Variants in COL17A1 observed in about 807,000 individuals in gnomAD.
COL17A1 encodes collagen type XVII alpha 1 chain, also known as collagen alpha-1(XVII) chain.
Under a neutral mutation model 218.4 loss-of-function variants are expected in COL17A1, and 181 were observed. The ratio of observed to expected loss-of-function variants is 0.83; its 90% CI spans 0.73 to 0.94. The LOEUF (loss-of-function observed/expected upper bound fraction) is 0.94, where lower values mean the gene tolerates loss of function less well. COL17A1 is among the 40% of genes least tolerant of loss of function. The pLI, the probability that COL17A1 is intolerant of heterozygous loss-of-function variation, is 0.00. For missense variants in COL17A1, 1,924 were observed against 1,945.9 expected (o/e 0.99, Z 0.21); for synonymous variants, 721 against 731.0 (o/e 0.99, Z 0.22).
At chr10:104,075,949 G>T (rs1448432423) in intron 5 of COL17A1, among the ~76,000 whole-genome samples, 1 of 152,176 alleles carries the variant, frequency 6.6e-6, no homozygotes, top group Non-Finnish European at 1.5e-5. Context: ...TTATACAATT[G>T]TATTTTATCT....
chr10:104,059,854 T>C (rs572532581), intron 14 of COL17A1, 136 bp from the exon 15 acceptor site: 23 of 1,060,510 alleles, frequency 2.2e-5, no homozygotes, highest in Non-Finnish European at 3.0e-5. Flanking sequence ...CCCTCTTTCC[T>C]GGGGTTCATC....
rs200888187 is a variant in COL17A1, at chr10:104,050,447, G to A, written c.2128+174C>T. 9.2e-5 allele frequency among the ~76,000 whole-genome samples: 14 copies of A among 152,262 alleles called. No individual in the cohort carries two copies. In the East Asian group the frequency reaches 2.3e-3, roughly 25 times the overall value. On this transcript the variant is annotated intron_variant, in intron 27 of 55. Coordinates refer to ENST00000648076, the MANE Select transcript of COL17A1 (RefSeq NM_000494.4). ...TCACCACCCCAGAATTCAATGTGAT[G>A]TTAGTGCTTTGTTTCCCTTCTTTGT...
chr10:104,039,083 C>T lies in COL17A1; in HGVS notation c.2935G>A (p.Gly979Ser). 6.2e-7 allele frequency: 1 copy of T among 1,614,132 alleles called. No individual in the cohort carries two copies. Among genetic ancestry groups the T allele is most frequent in the Non-Finnish European group, 8.5e-7 (1 of 1,179,992 alleles). The change falls in exon 44 of 56, where the codon GGT becomes AGT. Residue 979 changes from glycine (G) to serine (S), a missense_variant. Physicochemically the swap from Gly to Ser is moderately conservative, Grantham distance 56. Transcript: ENST00000648076. ...TTTCAGTTCTTACCTTCAGAAGGAC[C>T]ACTAGGAATGCCAAGAGCCCCTGGA... ...GVPGALGIPS[G>S]PSEGGSSSTM...
intron 12 of COL17A1, among the ~76,000 whole-genome samples, 165 bp from the exon 13 acceptor site, chr10:104,061,638 C>T (rs1441688318): frequency 4.6e-5 from 7 of 152,094 alleles, no homozygotes; most frequent in South Asian, 2.1e-4. Context: ...TTAGATGGAA[C>T]GTTCTTAGGT....
chr10:104,084,462 G>A (rs575305749), intron 1 of COL17A1, among the ~76,000 whole-genome samples: 6 of 151,948 alleles, frequency 3.9e-5, no homozygotes, highest in South Asian at 2.1e-4. Context: ...GGCATGCACC[G>A]CCACACCCAG....
intron 31 of COL17A1, among the ~76,000 whole-genome samples, chr10:104,047,249 T>C (rs1226813204): frequency 6.6e-6 from 1 of 151,854 alleles, no homozygotes; most frequent in East Asian, 1.9e-4. Context: ...AGAAGTTTGC[T>C]CTTTGCTCTC....
Position 104,073,223 on chromosome 10 carries a change from C to A in COL17A1, c.402G>T (p.Arg134=). ...GACAGCACTCACCTCGTGTTTGACT[C>A]CGTCCTCTGGTTGAAGAAGATGCTG... ...KEFASSSTRG[R]SQTRESEIRV... is the part of the protein sequence containing the mutation. Residue 134 remains arginine, a synonymous_variant, in exon 7 of 56, where the codon CGG becomes CGT. Transcript: ENST00000648076. The A allele has an allele frequency of 6.2e-7, 1 of 1,613,912 alleles. No homozygotes were observed. The highest frequency in any genetic ancestry group is 1.1e-5 in the South Asian group (1 of 91,062).
At chr10:104,045,724 AAAAG>A in intron 33 of COL17A1, 30 bp downstream of exon 33, 1 of 1,587,636 alleles carries the variant, frequency 6.3e-7, no homozygotes, top group Non-Finnish European at 8.7e-7. Flanking sequence ...ATGGCCAGTG[AAAAG>A]AAAGAAATCT....
chr10:104,039,706 G>T (rs1475710725), intron 41 of COL17A1, 66 bp from the exon 42 acceptor site: 5 of 1,609,218 alleles, frequency 3.1e-6, no homozygotes, highest in Non-Finnish European at 4.3e-6. Flanking sequence ...GCCCTGTAGA[G>T]CCTCCCCAAG....
intron 50 of COL17A1, 23 bp from the exon 51 acceptor site, chr10:104,034,790 A>G (rs560858673): frequency 1.2e-6 from 2 of 1,609,200 alleles, no homozygotes; most frequent in Admixed American, 3.4e-5. Flanking sequence ...AAGAGAAAGA[A>G]AGGTCGGGGT....
intron 43 of COL17A1, 135 bp from the exon 44 acceptor site, chr10:104,039,256 C>A (rs2086333417): frequency 2.0e-6 from 2 of 1,023,040 alleles, no homozygotes; most frequent in Non-Finnish European, 3.0e-6. Context: ...AATACCACAG[C>A]TCCCTTGTAC....
At chr10:104,062,398 C>A (rs2086590871) in intron 11 of COL17A1, 69 bp from the exon 12 acceptor site, 6 of 1,605,402 alleles carry the variant, frequency 3.7e-6, no homozygotes, top group African/African-American at 2.7e-5. Context: ...AGGACGGCCC[C>A]CAGAGTCCCA....
chr10:104,040,748 A>C (rs2086351604), intron 39 of COL17A1, among the ~76,000 whole-genome samples: 2 of 152,132 alleles, frequency 1.3e-5, no homozygotes, highest in African/African-American at 4.8e-5. Flanking sequence ...GTCGGCACTT[A>C]CTTCACGCGC....
rs1432037412 is a variant in COL17A1 at position 104,035,544 on chromosome 10, C to T, written c.3438G>A (p.Gly1146=). ...SYMSSSGISI[G]LPGPPGPPGL... Reference sequence around the variant, plus strand: ...CAGGGGGCCCCGGGGGACCAGGAAGCCCAATGCTGATCCCAGAACCTAGGG... The same window carrying T: ...CAGGGGGCCCCGGGGGACCAGGAAGTCCAATGCTGATCCCAGAACCTAGGG... Residue 1146 remains glycine, a synonymous_variant, in exon 49 of 56, where the codon GGG becomes GGA. Transcript: ENST00000648076. 1 of 1,613,706 alleles carries T rather than the reference C, an allele frequency of 6.2e-7. No individual in the cohort carries two copies. Among genetic ancestry groups the T allele is most frequent in the African/African-American group, 1.3e-5 (1 of 75,058 alleles).
At position 104,085,819 on chromosome 10, in the gene COL17A1, A is replaced by G. The variant is rs1247308357; in HGVS notation, c.-108T>C. ...TTTCTTCTAGAAATTTGCAGTGCTC[A>G]CTTTTTTTTTATCCAGACCCAGCCA... On this transcript the variant is annotated 5_prime_UTR_variant, in exon 1 of 56. Coordinates refer to ENST00000648076, the MANE Select transcript of COL17A1 (RefSeq NM_000494.4). 6.6e-6 allele frequency: 1 copy of G among 152,464 alleles called. No individual in the cohort carries two copies. Among genetic ancestry groups the G allele is most frequent in the African/African-American group, 2.4e-5 (1 of 41,408 alleles). 9.4% of individuals were successfully genotyped at this position (152,464 alleles called of 1,614,324 possible).
At chr10:104,078,471 G>A in intron 3 of COL17A1, 71 bp downstream of exon 3, 1 of 1,606,602 alleles carries the variant, frequency 6.2e-7, no homozygotes, top group Non-Finnish European at 8.5e-7. Flanking sequence ...AGCTCCCATG[G>A]AAAAGGTTAC....
chr10:104,059,541 C>CTGCTTTTATAACACACTCCCAGGT, intron 15 of COL17A1, 97 bp downstream of exon 15: 1 of 1,118,634 alleles, frequency 8.9e-7, no homozygotes, highest in Non-Finnish European at 1.4e-6. Context: ...GCTGCTGGCC[C>CTGCTTTTATAACACACTCCCAGGT]GTGGACCACA....
chr10:104,035,749 G>A (rs1033616686), intron 48 of COL17A1, among the ~76,000 whole-genome samples, 186 bp from the exon 49 acceptor site: 14 of 147,250 alleles, frequency 9.5e-5, no homozygotes, highest in South Asian at 4.3e-4. Context: ...GGCCGGAGAA[G>A]CAGGTCCAGT....
chr10:104,045,852 T>C, intron 32 of COL17A1, 59 bp from the exon 33 acceptor site: 1 of 1,427,378 alleles, frequency 7.0e-7, no homozygotes, highest in East Asian at 2.3e-5. Flanking sequence ...CAGATACCCT[T>C]GGGTGGTCAC....
Sources: gnomAD v4.1 joint callset for allele counts (sites outside exome capture counted in the v4.1 genomes callset) on GRCh38, gnomAD v4.1.1 for gene constraint, MANE v1.5 for transcripts, NCBI Gene and HGNC (gene_info 2026-07-23, HGNC 2026-07-21) for gene names.